PALM2AKAP2: variants seen among roughly 807,000 people sequenced by gnomAD.
The protein encoded by PALM2AKAP2 is PALM2 and AKAP2 fusion, also known as PALM2-AKAP2 fusion protein.
In PALM2AKAP2, 37 loss-of-function variants were observed where a neutral mutation model predicts 71.5. The ratio of observed to expected loss-of-function variants is 0.52; its 90% CI spans 0.40 to 0.68. PALM2AKAP2 has a LOEUF of 0.68. Ranked by LOEUF, PALM2AKAP2 falls within the 30% of genes least tolerant of loss-of-function variation. The probability of loss-of-function intolerance (pLI) is 0.00; values close to 1 mark genes in which losing one functional copy is unlikely to be tolerated. For missense variants in PALM2AKAP2, 1,224 were observed against 1,191.8 expected, an observed-to-expected ratio of 1.03 and a Z score of -0.40; for synonymous variants, 468 against 478.8, an observed-to-expected ratio of 0.98 and a Z score of 0.29.
intron 1 of PALM2AKAP2, among the ~76,000 whole-genome samples, chr9:109,823,303 G>A (rs912551283): frequency 6.6e-6 from 1 of 152,178 alleles, no homozygotes; most frequent in African/African-American, 2.4e-5. Context: ...CCACATGGGA[G>A]GATATGGTTC....
intron 1 of PALM2AKAP2, among the ~76,000 whole-genome samples, chr9:110,106,129 G>T (rs1484569418): frequency 6.6e-6 from 1 of 152,194 alleles, no homozygotes; most frequent in Non-Finnish European, 1.5e-5. Context: ...TTTTGCATTG[G>T]TAAGAGTTGG....
intron 1 of PALM2AKAP2, among the ~76,000 whole-genome samples, chr9:109,744,846 T>G (rs1459224736): frequency 2.0e-5 from 3 of 152,080 alleles, no homozygotes; most frequent in Non-Finnish European, 2.9e-5. Context: ...GCATTAAGAT[T>G]TTGAACACTA....
intron 6 of PALM2AKAP2, among the ~76,000 whole-genome samples, chr9:109,992,775 T>C (rs77211887): frequency 1.7e-3 from 257 of 152,112 alleles, no homozygotes; most frequent in African/African-American, 5.7e-3. Flanking sequence ...ACCATAGCAT[T>C]TCCTAATGCT....
intron 1 of PALM2AKAP2, among the ~76,000 whole-genome samples, chr9:109,681,060 A>G (rs1477708617): frequency 6.6e-6 from 1 of 152,234 alleles, no homozygotes; most frequent in Non-Finnish European, 1.5e-5. Flanking sequence ...ATTTCAAACA[A>G]ATAACATTAA....
chr9:109,640,852 G>T (rs1255589251), exon 1 of PALM2AKAP2: 6 of 1,517,722 alleles, frequency 4.0e-6, no homozygotes, highest in Non-Finnish European at 5.3e-6. Context: ...CCCGGCCGCG[G>T]AGCCCCGCGA....
chr9:110,052,037 A>G lies in PALM2AKAP2; in HGVS notation c.156+3182A>G, dbSNP rs139056144. Among the ~76,000 whole-genome samples the G allele has an allele frequency of 6.4e-3, 974 of 151,970 alleles. 11 individuals carry two copies. The highest frequency in any genetic ancestry group is 0.046 in the South Asian group (223 of 4,798). The stretch of plus-strand genomic sequence containing the variant: ...CCTGCCTCAGCCTCCCAAATAGCTG[A>G]GACTACAGGTGCCCACCACCACGCC... On this transcript the variant is annotated intron_variant, in intron 1 of 3. Transcript: ENST00000374525.
At chr9:109,788,573 A>G (rs1827026527) in intron 1 of PALM2AKAP2, among the ~76,000 whole-genome samples, 1 of 152,160 alleles carries the variant, frequency 6.6e-6, no homozygotes, top group Non-Finnish European at 1.5e-5. Flanking sequence ...TGCAACTGCT[A>G]TTCTGGGGAA....
At chr9:109,942,835 T>C (rs747701050) in intron 6 of PALM2AKAP2, 1 of 1,614,110 alleles carries the variant, frequency 6.2e-7, no homozygotes, top group South Asian at 1.1e-5. Context: ...TGAGGTGCGC[T>C]CAGGAGGCAC....
chr9:109,797,718 A>G (rs550021201), intron 1 of PALM2AKAP2, among the ~76,000 whole-genome samples: 7 of 152,344 alleles, frequency 4.6e-5, no homozygotes, highest in African/African-American at 1.7e-4. Flanking sequence ...CATTATTGCT[A>G]CAAGTGAATT....
chr9:109,973,538 A>T (rs1832111501), intron 6 of PALM2AKAP2, among the ~76,000 whole-genome samples: 1 of 152,204 alleles, frequency 6.6e-6, no homozygotes, highest in Non-Finnish European at 1.5e-5. Context: ...AAGGCAAGTC[A>T]CATGGCCAAG....
chr9:109,805,074 G>T (rs576456743), intron 1 of PALM2AKAP2, among the ~76,000 whole-genome samples: 41 of 152,220 alleles, frequency 2.7e-4, no homozygotes, highest in African/African-American at 9.6e-4. Flanking sequence ...TTGTTTTTTA[G>T]GAGTACATTT....
At chr9:109,833,081 G>A (rs1828351767) in intron 1 of PALM2AKAP2, among the ~76,000 whole-genome samples, 2 of 152,160 alleles carry the variant, frequency 1.3e-5, no homozygotes, top group Non-Finnish European at 2.9e-5. Flanking sequence ...CTCTGGCTAG[G>A]CACAGTGGCT....
At chr9:109,661,538 C>T (rs1211355823) in intron 1 of PALM2AKAP2, among the ~76,000 whole-genome samples, 1 of 152,132 alleles carries the variant, frequency 6.6e-6, no homozygotes, top group South Asian at 2.1e-4. Context: ...TGTTTTGGTA[C>T]CAGTACCATG....
chr9:109,881,876 C>CTTTTTTTTTTTTTTTTTTTTTTTT (rs565835467), intron 3 of PALM2AKAP2, among the ~76,000 whole-genome samples: 1 of 95,116 alleles, frequency 1.1e-5, no homozygotes, highest in African/African-American at 3.6e-5. Context: ...CTTATGAGCT[C>CTTTTTTTTTTTTTTTTTTTTTTTT]TTTTTTTTTT....
chr9:110,000,028 T>C (rs185846915), intron 6 of PALM2AKAP2, among the ~76,000 whole-genome samples: 31 of 152,260 alleles, frequency 2.0e-4, no homozygotes, highest in Non-Finnish European at 2.9e-4. Flanking sequence ...TTTTTAATTA[T>C]ACTTTAAGTT....
chr9:109,877,311 T>C (rs555926758), intron 2 of PALM2AKAP2, among the ~76,000 whole-genome samples: 2 of 152,220 alleles, frequency 1.3e-5, no homozygotes, highest in South Asian at 2.1e-4. Context: ...TCATTCATTA[T>C]AGGGAATTGG....
rs1304185602 is a variant in PALM2AKAP2 at position 110,063,240 on chromosome 9, TA to T, written c.156+14389del. ...TGTTCTTAACTTTGGCAAATAAATC[TA>T]AAATGATTGAGATTTGTCTTGTCAT... On this transcript the variant is annotated intron_variant, in intron 1 of 3. Transcript: ENST00000374525. Among the ~76,000 whole-genome samples, 3 of 152,298 alleles carry T rather than the reference TA, an allele frequency of 2.0e-5. No individual in the cohort carries two copies. The East Asian group carries it at 5.8e-4, about 29-fold the overall frequency.
chr9:109,790,385 T>A (rs1447173679), intron 1 of PALM2AKAP2, among the ~76,000 whole-genome samples: 1 of 152,252 alleles, frequency 6.6e-6, no homozygotes, highest in East Asian at 1.9e-4. Context: ...AAGTATTCAC[T>A]TTATTTTTAA....
intron 1 of PALM2AKAP2, among the ~76,000 whole-genome samples, chr9:109,701,263 CA>C (rs1403174535): frequency 6.6e-6 from 1 of 152,024 alleles, no homozygotes; most frequent in Non-Finnish European, 1.5e-5. Flanking sequence ...CATATGGAAC[CA>C]AAAAAGAGCC....
Sources: allele counts gnomAD v4.1 joint callset (sites outside exome capture counted in the v4.1 genomes callset), GRCh38; gene constraint gnomAD v4.1.1; transcripts MANE v1.5; gene names NCBI Gene and HGNC (gene_info 2026-07-23, HGNC 2026-07-21).